The following PTPRS variants were observed in gnomAD, a reference collection of about 807,000 sequenced individuals.
PTPRS encodes receptor-type tyrosine-protein phosphatase S.
A neutral mutation model predicts 215.3 loss-of-function variants in PTPRS; 63 were observed. The ratio of observed to expected loss-of-function variants is 0.29; its 90% CI spans 0.24 to 0.36. The LOEUF (loss-of-function observed/expected upper bound fraction) is 0.36, where lower values mean the gene tolerates loss of function less well. Ranked by LOEUF, PTPRS falls within the 10% of genes least tolerant of loss-of-function variation. The pLI, the probability that PTPRS is intolerant of heterozygous loss-of-function variation, is 1.00. For missense variants in PTPRS, 2,258 were observed against 2,825.8 expected (o/e 0.80, Z 4.56); for synonymous variants, 1,404 against 1,191.4 (o/e 1.18, Z -3.68).
chr19:5,242,218 CA>C (rs2044100030), intron 11 of PTPRS, among the ~76,000 whole-genome samples: 2 of 152,066 alleles, frequency 1.3e-5, no homozygotes, highest in Admixed American at 6.6e-5. Context: ...CAAATGCCAA[CA>C]GGGGTGAGGA....
At chr19:5,218,273 G>T in intron 25 of PTPRS, 147 bp downstream of exon 25, 1 of 706,992 alleles carries the variant, frequency 1.4e-6, no homozygotes, top group Non-Finnish European at 2.5e-6. Context: ...TCCATGTAGG[G>T]TTGGAGGTAT....
chr19:5,240,145 G>C, intron 12 of PTPRS, 54 bp downstream of exon 12: 4 of 1,447,720 alleles, frequency 2.8e-6, no homozygotes, highest in Non-Finnish European at 3.6e-6. Flanking sequence ...GGCAGCGTCA[G>C]AGAGCGCCGG....
In PTPRS at chr19:5,206,623, C is replaced by T; in HGVS notation, c.*151G>A. The stretch of plus-strand genomic sequence containing the variant: ...GGGGCCGGTGGGGGGGCTCGAGGGG[C>T]TGCGTCGTCCTCGGAAATGGTGCAG... On this transcript the variant is annotated 3_prime_UTR_variant, in exon 38 of 38. Transcript: ENST00000262963. 1.6e-6 allele frequency: 1 copy of T among 642,678 alleles called. No homozygotes were observed. Among genetic ancestry groups the T allele is most frequent in the Non-Finnish European group, 2.7e-6 (1 of 376,198 alleles). The allele number at this position is 642,678 out of a possible 1,614,324, so 39.8% of individuals were successfully genotyped here.
At chr19:5,216,572 C>G in intron 26 of PTPRS, 148 bp downstream of exon 26, 2 of 705,818 alleles carry the variant, frequency 2.8e-6, no homozygotes, top group South Asian at 1.8e-5. Context: ...ACCCCCTGCC[C>G]TCTTCCAGGA....
chr19:5,220,426 G>A (rs573552925), intron 20 of PTPRS, 73 bp from the exon 21 acceptor site: 82 of 1,243,814 alleles, frequency 6.6e-5, no homozygotes, highest in South Asian at 5.4e-4. Flanking sequence ...GGGGGCAAAC[G>A]GGGGAAGCCG....
chr19:5,321,951 C>A (rs1335420556), intron 1 of PTPRS, among the ~76,000 whole-genome samples: 1 of 152,196 alleles, frequency 6.6e-6, no homozygotes. Context: ...CCTGAGATGT[C>A]CCCATTTCAC....
intron 6 of PTPRS, among the ~76,000 whole-genome samples, chr19:5,261,749 G>C (rs1317070453): frequency 6.6e-6 from 1 of 152,218 alleles, no homozygotes; most frequent in African/African-American, 2.4e-5. Flanking sequence ...GGTGGGCACT[G>C]AGCCTAGCTC....
At chr19:5,241,865 C>T (rs998143850) in intron 11 of PTPRS, among the ~76,000 whole-genome samples, 3 of 151,558 alleles carry the variant, frequency 2.0e-5, no homozygotes, top group Admixed American at 6.6e-5. Flanking sequence ...GACAGAGTTT[C>T]GCTCTTGTTG....
At chr19:5,279,524 A>C (rs1383012326) in intron 2 of PTPRS, among the ~76,000 whole-genome samples, 1 of 151,510 alleles carries the variant, frequency 6.6e-6, no homozygotes, top group Non-Finnish European at 1.5e-5. Context: ...GGCGCTTGCT[A>C]CCACATGCGG....
At chr19:5,239,165 G>T in intron 12 of PTPRS, 102 bp from the exon 13 acceptor site, 2 of 288,100 alleles carry the variant, frequency 6.9e-6, no homozygotes, top group East Asian at 1.5e-4. Flanking sequence ...GGGGGAGGGG[G>T]AGAGAGAGAG....
rs2050212043 is a variant in PTPRS at position 5,327,873 on chromosome 19, T to C, written c.-95+12791A>G. Among the ~76,000 whole-genome samples, 3 of 152,102 alleles carry C rather than the reference T, an allele frequency of 2.0e-5. No individual in the cohort carries two copies. In the South Asian group the frequency reaches 6.2e-4, roughly 32 times the overall value. ...ATCTCAGCCTCCCAAAGTATTGGGA[T>C]TACAGCCATGAGTCACCATGCCCGG... is the stretch of plus-strand genomic sequence containing the variant. On this transcript the variant is annotated intron_variant, in intron 1 of 37. Coordinates refer to ENST00000262963, the MANE Select transcript of PTPRS (RefSeq NM_002850.4).
rs1311625387 is a variant in PTPRS at position 5,266,299 on chromosome 19, T to C, written c.380-1103A>G. Among the ~76,000 whole-genome samples the C allele has an allele frequency of 2.0e-5, 3 of 151,620 alleles. No individual in the cohort carries two copies. The East Asian group carries it at 5.8e-4, about 29-fold the overall frequency. On this transcript the variant is annotated intron_variant, in intron 4 of 37. Coordinates refer to ENST00000262963, the MANE Select transcript of PTPRS (RefSeq NM_002850.4). ...AAAAATAAAAATAAAATAAATAAAA[T>C]ATAGAGATAGGGTCTCACCATGTTG...
At position 5,238,958 on chromosome 19, in the gene PTPRS, C is replaced by T. The variant is rs144851217; in HGVS notation, c.1810G>A (p.Ala604Thr). 41 of 1,611,584 alleles carry T rather than the reference C, an allele frequency of 2.5e-5. No homozygotes were observed. The highest frequency in any genetic ancestry group is 2.1e-4 in the African/African-American group (16 of 74,814). ...LAARSPQGLG[A>T]FTPVVRQRTL... ...CGCTGCCGCACCACGGGGGTGAAGG[C>T]GCCCAGGCCCTGCGGCGAGCGGGCC... The change falls in exon 13 of 38, where the codon GCC becomes ACC. Residue 604 changes from alanine (A) to threonine (T), a missense_variant. Physicochemically the swap from Ala to Thr is moderately conservative, Grantham distance 58 (BLOSUM62 0). Coordinates refer to ENST00000262963, the MANE Select transcript of PTPRS (RefSeq NM_002850.4).
At chr19:5,226,590 A>T (rs2042520898) in intron 16 of PTPRS, among the ~76,000 whole-genome samples, 1 of 151,582 alleles carries the variant, frequency 6.6e-6, no homozygotes, top group African/African-American at 2.4e-5. Context: ...AAAAAAAAAA[A>T]AAAAGCAAAA....
chr19:5,274,087 A>G, intron 3 of PTPRS, 112 bp downstream of exon 3: 3 of 1,434,560 alleles, frequency 2.1e-6, no homozygotes, highest in Non-Finnish European at 2.8e-6. Flanking sequence ...GCTTGGCCAC[A>G]GATGATGCTC....
Position 5,205,783 on chromosome 19 carries a change from C to G in PTPRS, c.*991G>C, listed in dbSNP as rs1012709531. ...ACTGTCCCCGAAGAAGTAGGATCCTCTCTGTCTCCTTGGGGGCGGGAGACG... is the reference window on the plus strand; with the variant it reads ...ACTGTCCCCGAAGAAGTAGGATCCTGTCTGTCTCCTTGGGGGCGGGAGACG... On this transcript the variant is annotated 3_prime_UTR_variant, in exon 38 of 38. Transcript: ENST00000262963. Among the ~76,000 whole-genome samples the G allele has an allele frequency of 5.9e-5, 9 of 152,052 alleles. No homozygotes were observed. Among genetic ancestry groups the G allele is most frequent in the Admixed American group, 1.3e-4 (2 of 15,260 alleles).
chr19:5,250,903 C>T (rs1190596164), intron 9 of PTPRS: 1 of 133,198 alleles, frequency 7.5e-6, no homozygotes, highest in African/African-American at 2.9e-5. Flanking sequence ...TGTCAGACAT[C>T]TCAACGATTC....
rs553748371 is a variant in PTPRS at position 5,304,464 on chromosome 19, ACT to A, written c.-94-18232_-94-18231del. On this transcript the variant is annotated intron_variant, in intron 1 of 37. Coordinates refer to ENST00000262963, the MANE Select transcript of PTPRS (RefSeq NM_002850.4). ...TGCACTCCAGCCTGGGCGAAAAGAA[ACT>A]CTGTCTCAAAAAAATAAAATAAAAA... Among the ~76,000 whole-genome samples, 277 of 151,478 alleles carry A rather than the reference ACT, an allele frequency of 1.8e-3. 2 individuals carry two copies. The highest frequency in any genetic ancestry group is 6.4e-3 in the African/African-American group (265 of 41,286).
intron 3 of PTPRS, 130 bp from the exon 4 acceptor site, chr19:5,273,713 T>A: frequency 7.8e-6 from 9 of 1,156,504 alleles, no homozygotes; most frequent in Non-Finnish European, 1.1e-5. Context: ...ACTGGGAGAA[T>A]TGCTGCAGGC....
Sources: allele counts gnomAD v4.1 joint callset (sites outside exome capture counted in the v4.1 genomes callset), GRCh38; gene constraint gnomAD v4.1.1; transcripts MANE v1.5; gene names NCBI Gene and HGNC (gene_info 2026-07-23, HGNC 2026-07-21).